ARV1: variants seen among roughly 807,000 people sequenced by gnomAD.
ARV1 encodes protein ARV1.
A neutral mutation model predicts 31.1 loss-of-function variants in ARV1; 26 were observed. That is an observed-to-expected ratio of 0.84 (90% confidence interval 0.61 to 1.16). ARV1 has a LOEUF of 1.16. ARV1 is among the 50% of genes most tolerant of loss of function. The pLI is 0.00. For synonymous variants in ARV1, 117 were observed against 123.2 expected, an observed-to-expected ratio of 0.95 and a Z score of 0.34; for missense variants, 281 against 324.9, an observed-to-expected ratio of 0.86 and a Z score of 1.04.
At chr1:230,990,039 C>A in intron 2 of ARV1, 71 bp from the exon 3 acceptor site, 1 of 1,461,256 alleles carries the variant, frequency 6.8e-7, no homozygotes, top group Admixed American at 2.5e-5. Context: ...GCCACAAATA[C>A]TCTGTACCTG....
Position 230,988,397 on chromosome 1 carries a change from A to G in ARV1, c.252A>G (p.Lys84=). ...TCTTGATTAATGCTATATTGTGCAA[A>G]GCTCAGGCCTACAGACATATTCTTT... ...VIILINAILC[K]AQAYRHILFN... The change falls in exon 2 of 6, where the codon AAA becomes AAG. Residue 84 remains lysine, a synonymous_variant. Coordinates refer to ENST00000310256, the MANE Select transcript of ARV1 (RefSeq NM_022786.3). 6.3e-7 allele frequency: 1 copy of G among 1,597,800 alleles called. No individual in the cohort carries two copies. Among genetic ancestry groups the G allele is most frequent in the Non-Finnish European group, 8.6e-7 (1 of 1,168,140 alleles).
At position 230,997,145 on chromosome 1, in the gene ARV1, T is replaced by C. The variant is rs754482868; in HGVS notation, c.698T>C (p.Leu233Pro). 4 of 1,614,058 alleles carry C rather than the reference T, an allele frequency of 2.5e-6. No individual in the cohort carries two copies. Among genetic ancestry groups the C allele is most frequent in the South Asian group, 2.2e-5 (2 of 91,062 alleles). The change falls in exon 5 of 6, where the codon CTC becomes CCC. Residue 233 changes from leucine (L) to proline (P), a missense_variant. Leu to Pro is a moderately conservative substitution (Grantham distance 98). Transcript: ENST00000310256. ...IRVTLNINRK[L>P]SFLAVLSGLL... ...GTGACCCTAAACATCAACCGTAAGC[T>C]CTCCTTCTTGGCCGTGTTGAGTGGC... is the stretch of plus-strand genomic sequence containing the variant.
At chr1:230,990,379 TA>T (rs1178877815) in intron 3 of ARV1, 116 bp downstream of exon 3, 1 of 1,348,006 alleles carries the variant, frequency 7.4e-7, no homozygotes, top group African/African-American at 1.5e-5. Context: ...ATATGGGACT[TA>T]AGATGAAATT....
At position 230,990,128 on chromosome 1, in the gene ARV1, A is replaced by G. The variant is rs200004218; in HGVS notation, c.313A>G (p.Ile105Val). 6.2e-7 allele frequency: 1 copy of G among 1,606,366 alleles called. No homozygotes were observed. Among genetic ancestry groups the G allele is most frequent in the East Asian group, 2.2e-5 (1 of 44,694 alleles). ...CTATCAGATCCATGGAAAACTCTGC[A>G]TATTTTGTTTGCTTTGTGAAGCATA... ...TQINIHGKLC[I>V]FCLLCEAYLR... The change falls in exon 3 of 6, where the codon ATA (isoleucine) becomes GTA (valine). Residue 105 changes from isoleucine to valine, a missense_variant. Physicochemically the swap from Ile to Val is conservative, Grantham distance 29. Transcript: ENST00000310256.
At chr1:230,991,060 T>A (rs1679215582) in intron 3 of ARV1, among the ~76,000 whole-genome samples, 1 of 152,226 alleles carries the variant, frequency 6.6e-6, no homozygotes, top group African/African-American at 2.4e-5. Flanking sequence ...TGCAGGGAAT[T>A]TGGCTACTCC....
intron 1 of ARV1, 22 bp from the exon 2 acceptor site, chr1:230,988,298 A>T: frequency 6.3e-7 from 1 of 1,576,594 alleles, no homozygotes; most frequent in Non-Finnish European, 8.7e-7. Context: ...GCTTGTTCTA[A>T]TATTATCTTG....
intron 1 of ARV1, among the ~76,000 whole-genome samples, chr1:230,980,125 C>T (rs919587933): frequency 5.3e-5 from 8 of 152,132 alleles, no homozygotes; most frequent in South Asian, 2.1e-4. Context: ...AACCACATAA[C>T]GTTCTGATGC....
chr1:230,981,252 C>T (rs1048285171), intron 1 of ARV1, among the ~76,000 whole-genome samples: 8 of 152,158 alleles, frequency 5.3e-5, no homozygotes, highest in African/African-American at 1.9e-4. Flanking sequence ...CTTTAAATAC[C>T]GTCAAAATTT....
At position 230,993,388 on chromosome 1, in the gene ARV1, TC is replaced by T. The variant is rs535381777; in HGVS notation, c.449-2370del. Among the ~76,000 whole-genome samples, 446 of 152,350 alleles carry T rather than the reference TC, an allele frequency of 2.9e-3. 3 individuals carry two copies. The highest frequency in any genetic ancestry group is 0.01 in the African/African-American group (419 of 41,580). ...TGAGACTGCAGGCATCAGCCACTGTTCCTGGCCCTTCTTAAAATTTCTAAAG... is the reference window on the plus strand; with the variant it reads ...TGAGACTGCAGGCATCAGCCACTGTTCTGGCCCTTCTTAAAATTTCTAAAG... On this transcript the variant is annotated intron_variant, in intron 3 of 5. Coordinates refer to ENST00000310256, the MANE Select transcript of ARV1 (RefSeq NM_022786.3).
rs772259612 is a variant in ARV1 at position 230,979,162 on chromosome 1, G to A, written c.57G>A (p.Val19=). 17 of 1,612,982 alleles carry A rather than the reference G, an allele frequency of 1.1e-5. No individual in the cohort carries two copies. The East Asian group carries it at 3.8e-4, about 36-fold the overall frequency. ...LQQGKGNVDG[V]AATPTAASAS... ...AGGGGAAGGGGAACGTGGATGGGGT[G>A]GCAGCGACTCCTACTGCTGCCTCGG... The change falls in exon 1 of 6, where the codon GTG becomes GTA. Residue 19 remains valine, a synonymous_variant. Coordinates refer to ENST00000310256, the MANE Select transcript of ARV1 (RefSeq NM_022786.3).
chr1:230,979,297 G>A lies in ARV1; in HGVS notation c.174+18G>A, dbSNP rs756834189. The A allele has an allele frequency of 6.2e-7, 1 of 1,612,200 alleles. No homozygotes were observed. The highest frequency in any genetic ancestry group is 8.5e-7 in the Non-Finnish European group (1 of 1,179,274). On this transcript the variant is annotated intron_variant, in intron 1 of 5. Transcript: ENST00000310256. ...CCATCTGTGTGAGTTGTCAGGTGTG[G>A]GGTGCCCTTGAGAAGAAAATGGCGC...
intron 5 of ARV1, chr1:230,999,809 CT>C (rs1424949201): frequency 6.6e-6 from 1 of 152,196 alleles, no homozygotes; most frequent in Admixed American, 6.5e-5. Flanking sequence ...AGGGTCAGAT[CT>C]TTTGTTTCTA....
rs1389844340 is a variant in ARV1, at chr1:230,995,369, G to A, written c.449-391G>A. Reference sequence around the variant, plus strand: ...TCTTCCTGTGTTATCCCATTCTTACGATAGGTCCCATCTTTCAGACTGAAA... The same window carrying A: ...TCTTCCTGTGTTATCCCATTCTTACAATAGGTCCCATCTTTCAGACTGAAA... On this transcript the variant is annotated intron_variant, in intron 3 of 5. Transcript: ENST00000310256. 3.9e-5 allele frequency among the ~76,000 whole-genome samples: 6 copies of A among 152,148 alleles called. 1 individual carries two copies. The highest frequency in any genetic ancestry group is 6.5e-5 in the Admixed American group (1 of 15,282).
Position 230,981,890 on chromosome 1 carries a change from G to T in ARV1, c.174+2611G>T, listed in dbSNP as rs527337203. 6.6e-5 allele frequency among the ~76,000 whole-genome samples: 10 copies of T among 152,282 alleles called. No homozygotes were observed. In the South Asian group the frequency reaches 2.1e-3, roughly 32 times the overall value. On this transcript the variant is annotated intron_variant, in intron 1 of 5. Coordinates refer to ENST00000310256, the MANE Select transcript of ARV1 (RefSeq NM_022786.3). ...TCAAGGCCTTTGCACAATGCCTGGA[G>T]CACTCTTCTATCAGGTATCTGCGTG...
At chr1:230,990,293 GTTAACTATTCTTAC>G (rs749506122) in intron 3 of ARV1, 30 bp downstream of exon 3, 4 of 1,610,260 alleles carry the variant, frequency 2.5e-6, no homozygotes, top group Non-Finnish European at 3.4e-6. Context: ...TCCATTCTTA[GTTAACTATTCTTAC>G]TTAACTAATC....
chr1:230,995,676 T>G, intron 3 of ARV1, 84 bp from the exon 4 acceptor site: 1 of 1,020,800 alleles, frequency 9.8e-7, no homozygotes, highest in Non-Finnish European at 1.4e-6. Flanking sequence ...ATAAGCTGTA[T>G]TTTAGAATGG....
chr1:230,998,038 C>T (rs1679420057), intron 5 of ARV1, among the ~76,000 whole-genome samples: 1 of 152,224 alleles, frequency 6.6e-6, no homozygotes, highest in Non-Finnish European at 1.5e-5. Context: ...TCCCTCTTCA[C>T]GTCAGTTCGT....
intron 4 of ARV1, among the ~76,000 whole-genome samples, chr1:230,996,889 ATC>A (rs1679386174): frequency 6.6e-6 from 1 of 152,172 alleles, no homozygotes; most frequent in Non-Finnish European, 1.5e-5. Context: ...ATTCACGGGA[ATC>A]TGCCGCTTGA....
At chr1:230,987,117 A>T (rs1572337709) in intron 1 of ARV1, among the ~76,000 whole-genome samples, 1 of 152,108 alleles carries the variant, frequency 6.6e-6, no homozygotes, top group African/African-American at 2.4e-5. Context: ...AAGAAGGGTG[A>T]CTTGAACCAC....
Sources: gnomAD v4.1 joint callset for allele counts (sites outside exome capture counted in the v4.1 genomes callset) on GRCh38, gnomAD v4.1.1 for gene constraint, MANE v1.5 for transcripts, NCBI Gene and HGNC (gene_info 2026-07-23, HGNC 2026-07-21) for gene names.